SEMA6D: variants seen among roughly 807,000 people sequenced by gnomAD.
The protein encoded by SEMA6D is semaphorin-6D.
Under a neutral mutation model 106.6 loss-of-function variants are expected in SEMA6D, and 35 were observed. The observed-to-expected ratio is 0.33, with a 90% CI of 0.25 to 0.44. The LOEUF is 0.44. Ranked by LOEUF, SEMA6D falls within the 20% of genes least tolerant of loss-of-function variation. The pLI, the probability that SEMA6D is intolerant of heterozygous loss-of-function variation, is 1.00. For synonymous variants in SEMA6D, 499 were observed against 487.7 expected (o/e 1.02, Z -0.31); for missense variants, 1,185 against 1,345.9 (o/e 0.88, Z 1.87).
At chr15:47,622,509 A>G (rs2077125087) in intron 4 of SEMA6D, among the ~76,000 whole-genome samples, 1 of 152,094 alleles carries the variant, frequency 6.6e-6, no homozygotes, top group Admixed American at 6.6e-5. Flanking sequence ...TGACCTTTTA[A>G]TGCATCTCTT....
chr15:47,657,901 C>T (rs1277571988), intron 4 of SEMA6D, among the ~76,000 whole-genome samples: 19 of 151,352 alleles, frequency 1.3e-4, no homozygotes, highest in South Asian at 8.4e-4. Flanking sequence ...CCACCACGCC[C>T]GGCTAATTTT....
rs747080684 is a variant in SEMA6D, at chr15:47,765,994, A to T, written c.1553A>T (p.Tyr518Phe). The T allele has an allele frequency of 2.5e-6, 4 of 1,601,832 alleles. No individual in the cohort carries two copies. Among genetic ancestry groups the T allele is most frequent in the Non-Finnish European group, 3.4e-6 (4 of 1,173,338 alleles). ...ATCCCCCTCAGTCGCTGTGAGCGTT[A>T]TGGATCATGTAAAAAGTAAGCTCGT... is the stretch of plus-strand genomic sequence containing the variant. ...IRIPLSRCERYGSCKKSCIAS... is the reference protein window; with the variant it reads ...IRIPLSRCERFGSCKKSCIAS... Residue 518 changes from tyrosine to phenylalanine, a missense_variant, in exon 14 of 19, where the codon TAT becomes TTT. By Grantham distance (22) the Tyr-to-Phe change is conservative. Coordinates refer to ENST00000536845, the MANE Select transcript of SEMA6D (RefSeq NM_001358351.3).
intron 4 of SEMA6D, among the ~76,000 whole-genome samples, chr15:47,617,969 C>T (rs537181358): frequency 3.3e-5 from 5 of 152,294 alleles, no homozygotes; most frequent in South Asian, 4.1e-4. Context: ...TTCCTTGTCT[C>T]TTCTCCCTTA....
intron 1 of SEMA6D, among the ~76,000 whole-genome samples, chr15:47,405,432 C>G (rs985936300): frequency 6.6e-6 from 1 of 152,042 alleles, no homozygotes; most frequent in South Asian, 2.1e-4. Context: ...CCACTACCCC[C>G]CAAACCCATT....
At chr15:47,196,943 A>G (rs1595726610) in intron 1 of SEMA6D, among the ~76,000 whole-genome samples, 2 of 152,274 alleles carry the variant, frequency 1.3e-5, no homozygotes, top group East Asian at 3.9e-4. Context: ...TAACTGGGAA[A>G]ACTACCAGAT....
At chr15:47,549,297 C>T (rs992143181) in intron 3 of SEMA6D, among the ~76,000 whole-genome samples, 11 of 152,184 alleles carry the variant, frequency 7.2e-5, no homozygotes, top group African/African-American at 2.7e-4. Context: ...GAAGCTTCTT[C>T]ACCTTCTTGC....
rs1255086993 is a variant in SEMA6D at position 47,773,235 on chromosome 15, C to T, written c.*1450C>T. ...AACAACCTAGGACAATTATTTGTTA[C>T]ATAATCCGACCTCATAGCAGCATTA... On this transcript the variant is annotated 3_prime_UTR_variant, in exon 19 of 19. Transcript: ENST00000536845. 2.0e-5 allele frequency: 3 copies of T among 152,744 alleles called. No homozygotes were observed. Among genetic ancestry groups the T allele is most frequent in the African/African-American group, 7.2e-5 (3 of 41,560 alleles). 9.5% of individuals were successfully genotyped at this position (152,744 alleles called of 1,614,324 possible).
intron 1 of SEMA6D, among the ~76,000 whole-genome samples, chr15:47,224,878 C>G (rs933877528): frequency 6.6e-6 from 1 of 151,844 alleles, no homozygotes; most frequent in Non-Finnish European, 1.5e-5. Flanking sequence ...CTTGGTTGTT[C>G]CCTCTCCTTT....
chr15:47,447,852 C>T (rs2042073222), intron 2 of SEMA6D, among the ~76,000 whole-genome samples: 1 of 152,136 alleles, frequency 6.6e-6, no homozygotes. Context: ...TTGAAGCTAC[C>T]TCCAGGTGGA....
At chr15:47,528,798 C>T (rs191438668) in intron 3 of SEMA6D, among the ~76,000 whole-genome samples, 1 of 152,118 alleles carries the variant, frequency 6.6e-6, no homozygotes, top group Admixed American at 6.5e-5. Flanking sequence ...TACAGTTGAC[C>T]GTTGACCTTT....
chr15:47,369,793 A>G (rs989943340), intron 1 of SEMA6D, among the ~76,000 whole-genome samples: 1 of 152,248 alleles, frequency 6.6e-6, no homozygotes, highest in African/African-American at 2.4e-5. Flanking sequence ...GATAATCTAC[A>G]TACAATGAGC....
chr15:47,766,653 A>G lies in SEMA6D; in HGVS notation c.1684A>G (p.Thr562Ala), dbSNP rs1370570400. The G allele has an allele frequency of 6.2e-7, 1 of 1,612,326 alleles. No individual in the cohort carries two copies. The highest frequency in any genetic ancestry group is 1.7e-5 in the Admixed American group (1 of 59,982). The stretch of plus-strand genomic sequence containing the variant: ...TGAACAAGACACAGAATTCGGCAAC[A>G]CAGCTCATCTAGGGGACTGCCATGG... ...GYEQDTEFGN[T>A]AHLGDCHEIL... Residue 562 changes from threonine (T) to alanine (A), a missense_variant, in exon 16 of 19, where the codon ACA becomes GCA. Thr to Ala is a moderately conservative substitution (Grantham distance 58). Coordinates refer to ENST00000536845, the MANE Select transcript of SEMA6D (RefSeq NM_001358351.3).
intron 3 of SEMA6D, among the ~76,000 whole-genome samples, chr15:47,594,443 A>G (rs528309425): frequency 1.1e-4 from 16 of 152,366 alleles, no homozygotes; most frequent in African/African-American, 3.8e-4. Context: ...GGACACCTGC[A>G]GATAAATTGT....
chr15:47,655,924 A>T (rs2077784066), intron 4 of SEMA6D, among the ~76,000 whole-genome samples: 1 of 152,250 alleles, frequency 6.6e-6, no homozygotes, highest in African/African-American at 2.4e-5. Context: ...TCACGCATTC[A>T]TTACCAGGTG....
Position 47,693,941 on chromosome 15 carries a change from C to G in SEMA6D, c.-54-65804C>G, listed in dbSNP as rs544348389. The stretch of plus-strand genomic sequence containing the variant: ...CTGGCAACAGAGCAAGATCCTTACT[C>G]TGGAAAAAACAAAAAAATCTGAGAG... On this transcript the variant is annotated intron_variant, in intron 4 of 19. Coordinates refer to the SEMA6D transcript ENST00000558014. Among the ~76,000 whole-genome samples the G allele has an allele frequency of 5.9e-5, 9 of 152,134 alleles. No individual in the cohort carries two copies. The South Asian group carries it at 1.9e-3, about 32-fold the overall frequency.
chr15:47,252,860 T>A (rs1202670028), intron 1 of SEMA6D, among the ~76,000 whole-genome samples: 2 of 152,232 alleles, frequency 1.3e-5, no homozygotes, highest in African/African-American at 4.8e-5. Context: ...AATATGGGAA[T>A]GCAGGTATCT....
intron 3 of SEMA6D, among the ~76,000 whole-genome samples, chr15:47,481,030 A>C (rs565180416): frequency 2.0e-5 from 3 of 152,136 alleles, no homozygotes; most frequent in Non-Finnish European, 4.4e-5. Context: ...GGCTGCCTCC[A>C]CTATTAGATT....
intron 1 of SEMA6D, among the ~76,000 whole-genome samples, chr15:47,217,148 G>A (rs944869979): frequency 4.6e-5 from 7 of 152,140 alleles, no homozygotes; most frequent in African/African-American, 1.7e-4. Flanking sequence ...CATTCCTGTT[G>A]TTTATAAGTC....
At chr15:47,544,959 C>A (rs974152932) in intron 3 of SEMA6D, among the ~76,000 whole-genome samples, 4 of 152,046 alleles carry the variant, frequency 2.6e-5, no homozygotes, top group Admixed American at 6.6e-5. Context: ...ATGAAAATTT[C>A]TAAACCTGGA....
Sources: allele counts gnomAD v4.1 joint callset (sites outside exome capture counted in the v4.1 genomes callset), GRCh38; gene constraint gnomAD v4.1.1; transcripts MANE v1.5; gene names NCBI Gene and HGNC (gene_info 2026-07-23, HGNC 2026-07-21).